Variants in RAB6A observed in about 807,000 individuals in gnomAD.
RAB6A encodes ras-related protein Rab-6A.
Under a neutral mutation model 32.3 loss-of-function variants are expected in RAB6A, and 8 were observed. The ratio of observed to expected loss-of-function variants is 0.25; its 90% CI spans 0.15 to 0.45. RAB6A has a LOEUF of 0.45. Among genes scored for constraint, RAB6A ranks in the 20% least tolerant of loss-of-function variants. RAB6A has a pLI of 1.00. For synonymous variants in RAB6A, 73 were observed against 82.1 expected, an observed-to-expected ratio of 0.89 and a Z score of 0.60; for missense variants, 104 against 249.4, an observed-to-expected ratio of 0.42 and a Z score of 3.93.
chr11:73,730,842 AAG>A lies in RAB6A; in HGVS notation c.71-21_71-20del. On this transcript the variant is annotated intron_variant, in intron 1 of 7. Transcript: ENST00000336083. ...TTTCCAACTGAAATGAAACGAAAAA[AAG>A]ATTTGCTCAGTGAACACATTACATT... is the stretch of plus-strand genomic sequence containing the variant. 1 of 1,591,090 alleles carries A rather than the reference AAG, an allele frequency of 6.3e-7. No individual in the cohort carries two copies. Among genetic ancestry groups the A allele is most frequent in the Middle Eastern group, 1.7e-4 (1 of 5,806 alleles).
intron 1 of RAB6A, among the ~76,000 whole-genome samples, chr11:73,736,846 G>T (rs2134984634): frequency 6.8e-6 from 1 of 147,622 alleles, no homozygotes; most frequent in East Asian, 2.0e-4. Context: ...AGGCATGGTG[G>T]TACATACTGT....
chr11:73,725,590 G>A (rs1946204440), intron 2 of RAB6A, among the ~76,000 whole-genome samples: 2 of 152,108 alleles, frequency 1.3e-5, no homozygotes, highest in South Asian at 4.1e-4. Context: ...AGCGAAAAGG[G>A]TTTCCCTTTA....
At chr11:73,703,726 G>A (rs1034939906) in intron 6 of RAB6A, among the ~76,000 whole-genome samples, 4 of 151,508 alleles carry the variant, frequency 2.6e-5, no homozygotes, top group African/African-American at 9.7e-5. Flanking sequence ...GGGCAACAGA[G>A]CAAGACTGTC....
intron 6 of RAB6A, among the ~76,000 whole-genome samples, chr11:73,695,093 C>T (rs1945636334): frequency 6.6e-6 from 1 of 152,038 alleles, no homozygotes; most frequent in South Asian, 2.1e-4. Flanking sequence ...ATTTAACAAA[C>T]TTGGTGCTTT....
rs1945270375 is a variant in RAB6A, at chr11:73,676,444, A to G, written c.*1454T>C. 2 of 167,160 alleles carry G rather than the reference A, an allele frequency of 1.2e-5. No individual in the cohort carries two copies. The highest frequency in any genetic ancestry group is 4.2e-4 in the South Asian group (2 of 4,812). 10.4% of individuals were successfully genotyped at this position (167,160 alleles called of 1,614,324 possible). On this transcript the variant is annotated 3_prime_UTR_variant, in exon 8 of 8. Transcript: ENST00000336083. ...ATACATATTGCCATGGTGAAGCTCT[A>G]AATAGATTCAACGAAACATCTGAAG...
In RAB6A at chr11:73,739,263, T is replaced by TAA. The variant is rs58629008; in HGVS notation, c.71-8442_71-8441dup. On this transcript the variant is annotated intron_variant, in intron 1 of 7. Transcript: ENST00000336083. ...GCAAAAAAAAAATAGTAATAATAAT[T>TAA]AAAAAAAAAAAAAAAAAAAAAATAT... Among the ~76,000 whole-genome samples the TAA allele has an allele frequency of 7.5e-3, 70 of 9,374 alleles. 6 individuals carry two copies. Among genetic ancestry groups the TAA allele is most frequent in the Admixed American group, 0.011 (5 of 442 alleles). The allele number at this position is 9,374 out of a possible 152,430, so 6.1% of individuals were successfully genotyped here.
intron 1 of RAB6A, among the ~76,000 whole-genome samples, chr11:73,756,333 GAC>G (rs1185572948): frequency 6.6e-6 from 1 of 152,110 alleles, no homozygotes; most frequent in African/African-American, 2.4e-5. Context: ...CAGCCTGAGT[GAC>G]AGAGGTAGAC....
In RAB6A at chr11:73,677,666, G is replaced by A. The variant is rs1945289451; in HGVS notation, c.*232C>T. ...TATCTAATTTTTAAAGTTATCACTG[G>A]AATATGCTGAAATATTTTGGCTTTT... On this transcript the variant is annotated 3_prime_UTR_variant, in exon 8 of 8. Coordinates refer to ENST00000336083, the MANE Select transcript of RAB6A (RefSeq NM_198896.2). The A allele has an allele frequency of 9.1e-7, 1 of 1,097,576 alleles. No homozygotes were observed. Among genetic ancestry groups the A allele is most frequent in the East Asian group, 2.5e-5 (1 of 40,234 alleles). 68.0% of individuals were successfully genotyped at this position (1,097,576 alleles called of 1,614,324 possible).
At chr11:73,710,015 G>A (rs1305140503) in intron 5 of RAB6A, among the ~76,000 whole-genome samples, 1 of 147,714 alleles carries the variant, frequency 6.8e-6, no homozygotes, top group East Asian at 2.0e-4. Context: ...CTGGAGTGAA[G>A]TGGCACGATC....
At chr11:73,692,116 C>A (rs1185376598) in intron 6 of RAB6A, among the ~76,000 whole-genome samples, 1 of 152,122 alleles carries the variant, frequency 6.6e-6, no homozygotes, top group African/African-American at 2.4e-5. Flanking sequence ...AGCAGACCAA[C>A]ACAGACTTCA....
chr11:73,760,557 C>G lies in RAB6A; in HGVS notation c.70+9G>C. 1 of 1,603,080 alleles carries G rather than the reference C, an allele frequency of 6.2e-7. No homozygotes were observed. On this transcript the variant is annotated intron_variant, in intron 1 of 7. Transcript: ENST00000336083. ...CCAGCTGCCAGGAGTAGGGGAGCCACGCACTCACCGCTTTGCTCCCCCAGG... is the reference window on the plus strand; with the variant it reads ...CCAGCTGCCAGGAGTAGGGGAGCCAGGCACTCACCGCTTTGCTCCCCCAGG...
At chr11:73,754,525 CTATT>C (rs1256858057) in intron 1 of RAB6A, among the ~76,000 whole-genome samples, 2 of 152,210 alleles carry the variant, frequency 1.3e-5, no homozygotes, top group African/African-American at 4.8e-5. Flanking sequence ...CAATTGTCCT[CTATT>C]AAGTCAGACA....
chr11:73,722,303 GTGTATATATATATATATATA>G (rs1214651678), intron 2 of RAB6A: 10 of 13,926 alleles, frequency 7.2e-4, no homozygotes, highest in African/African-American at 2.1e-3. Flanking sequence ...ATATGTGTGT[GTGTATATATATATATATATA>G]TATATATATA....
chr11:73,760,688 T>C lies in RAB6A; in HGVS notation c.-53A>G. On this transcript the variant is annotated 5_prime_UTR_variant, in exon 1 of 8. Coordinates refer to ENST00000336083, the MANE Select transcript of RAB6A (RefSeq NM_198896.2). Reference sequence around the variant, plus strand: ...TCAGCCTAGAGACCTCCCGGACCGATGCTGCTCCAGCCAGCTGACGAAAAA... The same window carrying C: ...TCAGCCTAGAGACCTCCCGGACCGACGCTGCTCCAGCCAGCTGACGAAAAA... 1 of 1,573,310 alleles carries C rather than the reference T, an allele frequency of 6.4e-7. No homozygotes were observed. Among genetic ancestry groups the C allele is most frequent in the Non-Finnish European group, 8.6e-7 (1 of 1,159,414 alleles).
chr11:73,719,444 G>T (rs974188462), intron 3 of RAB6A, among the ~76,000 whole-genome samples: 9 of 152,120 alleles, frequency 5.9e-5, no homozygotes, highest in African/African-American at 2.2e-4. Context: ...GAGTGTGTGC[G>T]CGCACGCATG....
chr11:73,704,696 TAAATAAA>T (rs1945805729), intron 6 of RAB6A, among the ~76,000 whole-genome samples: 1 of 135,544 alleles, frequency 7.4e-6, no homozygotes, highest in South Asian at 2.3e-4. Context: ...AAAAAATAAA[TAAATAAA>T]AAATAAAAAT....
At chr11:73,747,865 G>A (rs1378672826) in intron 1 of RAB6A, among the ~76,000 whole-genome samples, 3 of 152,306 alleles carry the variant, frequency 2.0e-5, no homozygotes, top group Non-Finnish European at 4.4e-5. Context: ...CAGAACTGAT[G>A]TGCCTTTCTC....
chr11:73,735,557 T>TAACTTTAAAC (rs1489466962), intron 1 of RAB6A, among the ~76,000 whole-genome samples: 3 of 151,982 alleles, frequency 2.0e-5, no homozygotes, highest in African/African-American at 7.2e-5. Context: ...CAGAGAAAAA[T>TAACTTTAAAC]AACTTTAAAC....
At chr11:73,743,973 G>A (rs1420129161) in intron 1 of RAB6A, among the ~76,000 whole-genome samples, 1 of 152,182 alleles carries the variant, frequency 6.6e-6, no homozygotes, top group African/African-American at 2.4e-5. Flanking sequence ...AGCATTTTGA[G>A]AGGCTGAGGC....
Sources: gnomAD v4.1 joint callset for allele counts (sites outside exome capture counted in the v4.1 genomes callset) on GRCh38, gnomAD v4.1.1 for gene constraint, MANE v1.5 for transcripts, NCBI Gene and HGNC (gene_info 2026-07-23, HGNC 2026-07-21) for gene names.